The following NTM variants were observed in gnomAD, a reference collection of about 807,000 sequenced individuals.
NTM encodes IgLON family member 2.
In NTM, 13 loss-of-function variants were observed where a neutral mutation model predicts 42.1. That is an observed-to-expected ratio of 0.31 (90% CI 0.20 to 0.49). The LOEUF is 0.49. Among genes scored for constraint, NTM ranks in the 20% least tolerant of loss-of-function variants. NTM has a pLI of 0.99. For synonymous variants in NTM, 187 were observed against 179.2 expected, an observed-to-expected ratio of 1.04 and a Z score of -0.35; for missense variants, 373 against 452.8, an observed-to-expected ratio of 0.82 and a Z score of 1.60.
At chr11:132,057,069 A>G (rs543142272) in intron 2 of NTM, among the ~76,000 whole-genome samples, 1 of 152,384 alleles carries the variant, frequency 6.6e-6, no homozygotes, top group Admixed American at 6.5e-5. Flanking sequence ...CATAGGTTTC[A>G]TAAACTTAAC....
intron 1 of NTM, among the ~76,000 whole-genome samples, chr11:131,458,902 G>A (rs768945194): frequency 4.6e-5 from 7 of 152,246 alleles, no homozygotes; most frequent in Non-Finnish European, 1.0e-4. Context: ...TTCTAACAAG[G>A]TCCTAATTGA....
intron 1 of NTM, among the ~76,000 whole-genome samples, chr11:131,509,137 T>C (rs2047913816): frequency 6.6e-6 from 1 of 152,226 alleles, no homozygotes; most frequent in African/African-American, 2.4e-5. Flanking sequence ...CTCTACACCA[T>C]GTCAAATCTT....
At position 131,761,156 on chromosome 11, in the gene NTM, C is replaced by G. The variant is rs529373081; in HGVS notation, c.83-150408C>G. Reference sequence around the variant, plus strand: ...GAGACGCCGTGAAAGTGGCAAGAGGCAGGGAGGAGAATCGACTTTGCAGGA... The same window carrying G: ...GAGACGCCGTGAAAGTGGCAAGAGGGAGGGAGGAGAATCGACTTTGCAGGA... On this transcript the variant is annotated intron_variant, in intron 1 of 8. Transcript: ENST00000683400. 1.1e-4 allele frequency among the ~76,000 whole-genome samples: 16 copies of G among 152,232 alleles called. No individual in the cohort carries two copies. In the South Asian group the frequency reaches 3.3e-3, roughly 32 times the overall value.
intron 3 of NTM, among the ~76,000 whole-genome samples, chr11:132,193,800 T>A (rs550401337): frequency 6.6e-6 from 1 of 151,784 alleles, no homozygotes; most frequent in Non-Finnish European, 1.5e-5. Flanking sequence ...ACCAACCCCA[T>A]AGAAATACAA....
chr11:131,457,007 G>A (rs1265519668), intron 1 of NTM, among the ~76,000 whole-genome samples: 9 of 152,166 alleles, frequency 5.9e-5, no homozygotes, highest in Admixed American at 2.6e-4. Context: ...CTCAAGGGGT[G>A]CAATGTTTAT....
At chr11:131,796,039 T>C (rs2091518342) in intron 1 of NTM, 1 of 985,368 alleles carries the variant, frequency 1.0e-6, no homozygotes, top group African/African-American at 1.7e-5. Flanking sequence ...AGCATGTGCA[T>C]CGAGGTGTAA....
In NTM at chr11:131,840,765, G is replaced by A. The variant is rs569875276; in HGVS notation, c.83-70799G>A. ...CGTGTCTTCCATCCTACATTAGAGGGTGTGGGATCTGGTGCTGGCTCACTG... is the reference window on the plus strand; with the variant it reads ...CGTGTCTTCCATCCTACATTAGAGGATGTGGGATCTGGTGCTGGCTCACTG... On this transcript the variant is annotated intron_variant, in intron 1 of 8. Coordinates refer to ENST00000683400, the MANE Select transcript of NTM (RefSeq NM_001352005.2). Among the ~76,000 whole-genome samples, 3 of 152,320 alleles carry A rather than the reference G, an allele frequency of 2.0e-5. No homozygotes were observed. In the East Asian group the frequency reaches 5.8e-4, roughly 29 times the overall value.
At chr11:132,029,327 C>T (rs2075620576) in intron 2 of NTM, among the ~76,000 whole-genome samples, 1 of 149,164 alleles carries the variant, frequency 6.7e-6, no homozygotes. Context: ...TCTCCTAAAG[C>T]TATCCCTCCC....
At chr11:131,899,702 G>T (rs2052834925) in intron 1 of NTM, among the ~76,000 whole-genome samples, 1 of 152,154 alleles carries the variant, frequency 6.6e-6, no homozygotes. Flanking sequence ...CTTATTTAGA[G>T]ATTATTTTTG....
At chr11:132,310,011 A>G (rs943836116) in intron 5 of NTM, 101 bp from the exon 6 acceptor site, 2 of 1,403,040 alleles carry the variant, frequency 1.4e-6, no homozygotes, top group African/African-American at 1.5e-5. Flanking sequence ...AGCCAAGATC[A>G]TGCCACTGCA....
chr11:131,548,300 C>T lies in NTM; in HGVS notation c.82+177412C>T, dbSNP rs1019820825. Among the ~76,000 whole-genome samples the T allele has an allele frequency of 5.9e-5, 9 of 152,012 alleles. No homozygotes were observed. In the East Asian group the frequency reaches 1.2e-3, roughly 20 times the overall value. On this transcript the variant is annotated intron_variant, in intron 1 of 8. Transcript: ENST00000683400. ...TCTCCCCTTGTGCATTTTTCCAAGT[C>T]GATCTTATCCAGGAAAAAAACATCC...
chr11:131,801,186 A>G (rs1277137572), intron 1 of NTM, among the ~76,000 whole-genome samples: 1 of 152,210 alleles, frequency 6.6e-6, no homozygotes, highest in African/African-American at 2.4e-5. Flanking sequence ...AGTCAAGGAG[A>G]AAGAGCAGAG....
chr11:132,281,435 C>T (rs2139841041), intron 4 of NTM, among the ~76,000 whole-genome samples: 1 of 152,292 alleles, frequency 6.6e-6, no homozygotes, highest in Non-Finnish European at 1.5e-5. Flanking sequence ...CAAGTATATG[C>T]ATATACGTAT....
At chr11:132,023,481 G>C (rs1010064655) in intron 2 of NTM, among the ~76,000 whole-genome samples, 70 of 152,288 alleles carry the variant, frequency 4.6e-4, no homozygotes, top group African/African-American at 1.7e-3. Context: ...TGTTGACCCT[G>C]GCTGCAGGGC....
rs1189426124 is a variant in NTM, at chr11:132,111,093, A to G, written c.168-35189A>G. ...AAAAAAAAAAAAAAAAAAAAAAAAA[A>G]AAAAAAAAAAAAAAAAAGAGACAGA... On this transcript the variant is annotated intron_variant, in intron 2 of 8. Transcript: ENST00000683400. 5.9e-5 allele frequency among the ~76,000 whole-genome samples: 7 copies of G among 118,540 alleles called. 1 individual carries two copies. The highest frequency in any genetic ancestry group is 1.1e-4 in the Non-Finnish European group (6 of 56,902). 77.8% of individuals were successfully genotyped at this position (118,540 alleles called of 152,430 possible).
chr11:132,199,249 G>T (rs1243433945), intron 3 of NTM, among the ~76,000 whole-genome samples: 1 of 152,216 alleles, frequency 6.6e-6, no homozygotes, highest in Non-Finnish European at 1.5e-5. Flanking sequence ...TTTGGTGACT[G>T]CAAAGCATGG....
intron 3 of NTM, among the ~76,000 whole-genome samples, chr11:132,208,965 G>A (rs565323739): frequency 2.0e-5 from 3 of 152,200 alleles, no homozygotes; most frequent in Non-Finnish European, 4.4e-5. Flanking sequence ...CCTCCAGGAA[G>A]CAAGCAAGGC....
intron 1 of NTM, among the ~76,000 whole-genome samples, chr11:131,688,269 G>A (rs1382877040): frequency 6.6e-6 from 1 of 152,182 alleles, no homozygotes; most frequent in Non-Finnish European, 1.5e-5. Context: ...TCCAGACAGG[G>A]GGGAAAGCAG....
chr11:131,800,931 A>G (rs2092052347), intron 1 of NTM, among the ~76,000 whole-genome samples: 1 of 152,190 alleles, frequency 6.6e-6, no homozygotes, highest in African/African-American at 2.4e-5. Flanking sequence ...GTTTGAATTA[A>G]TAGTAGGACG....
Sources: allele counts gnomAD v4.1 joint callset (sites outside exome capture counted in the v4.1 genomes callset), GRCh38; gene constraint gnomAD v4.1.1; transcripts MANE v1.5; gene names NCBI Gene and HGNC (gene_info 2026-07-23, HGNC 2026-07-21).